Variants in IQCE observed in about 807,000 individuals in gnomAD.
IQCE encodes IQ domain-containing protein E.
In IQCE, 115 loss-of-function variants were observed where a neutral mutation model predicts 96.0. That is an observed-to-expected ratio of 1.20 (90% CI 1.03 to 1.40). The LOEUF (loss-of-function observed/expected upper bound fraction) is 1.40, where lower values mean the gene tolerates loss of function less well. Ranked by LOEUF, IQCE falls within the 40% of genes most tolerant of loss-of-function variation. IQCE has a pLI of 0.00. For synonymous variants in IQCE, 412 were observed against 371.2 expected, an observed-to-expected ratio of 1.11 and a Z score of -1.26; for missense variants, 1,041 against 909.1, an observed-to-expected ratio of 1.15 and a Z score of -1.87.
At chr7:2,569,576 G>A (rs771502068) in intron 3 of IQCE, among the ~76,000 whole-genome samples, 8 of 152,082 alleles carry the variant, frequency 5.3e-5, no homozygotes, top group Non-Finnish European at 1.0e-4. Flanking sequence ...AGGTGGCCCC[G>A]AGGCCCCTCT....
chr7:2,563,700 C>T (rs1049091063), intron 1 of IQCE, among the ~76,000 whole-genome samples: 1 of 151,842 alleles, frequency 6.6e-6, no homozygotes, highest in Non-Finnish European at 1.5e-5. Context: ...CGAGACCATC[C>T]TGGCTAACAC....
intron 3 of IQCE, among the ~76,000 whole-genome samples, chr7:2,569,244 G>A (rs111565691): frequency 3.3e-5 from 5 of 152,242 alleles, no homozygotes; most frequent in Middle Eastern, 3.4e-3. Flanking sequence ...CTTTCTCAGG[G>A]CTGAGGCTGC....
Position 2,578,466 on chromosome 7 carries a change from C to T in IQCE, c.580-10C>T, listed in dbSNP as rs747909069. 46 of 1,614,172 alleles carry T rather than the reference C, an allele frequency of 2.8e-5. No homozygotes were observed. The East Asian group carries it at 6.0e-4, about 21-fold the overall frequency. ...AAGGCCGTCTTCATGTCTCAATCTGCTTACCACAGGGCACGGATTTTGTTC... is the reference window on the plus strand; with the variant it reads ...AAGGCCGTCTTCATGTCTCAATCTGTTTACCACAGGGCACGGATTTTGTTC... On this transcript the variant is annotated splice_polypyrimidine_tract_variant and intron_variant, in intron 7 of 21. Transcript: ENST00000402050.
intron 13 of IQCE, 122 bp from the exon 14 acceptor site, chr7:2,589,785 A>C (rs1436983929): frequency 2.2e-6 from 2 of 923,222 alleles, no homozygotes; most frequent in East Asian, 4.9e-5. Flanking sequence ...GGTCCCCTCA[A>C]AGCTTTCTCA....
chr7:2,582,142 A>G, intron 8 of IQCE: 1 of 450,670 alleles, frequency 2.2e-6, no homozygotes, highest in South Asian at 1.6e-5. Context: ...TCAGGCCCCT[A>G]CGGCCGCGCT....
chr7:2,590,030 C>A lies in IQCE; in HGVS notation c.1168C>A (p.His390Asn), dbSNP rs576004552. The A allele has an allele frequency of 1.2e-4, 194 of 1,613,782 alleles. 1 individual carries two copies. The South Asian group carries it at 2.0e-3, about 17-fold the overall frequency. Reference sequence around the variant, plus strand: ...GCCACGAGGGGACCGCAACAAGGACCACGAGCGTCTCCGAGGGGCTGTGAG... The same window carrying A: ...GCCACGAGGGGACCGCAACAAGGACAACGAGCGTCTCCGAGGGGCTGTGAG... Reference protein sequence around the residue: ...RQPRGDRNKDHERLRGAVRDL... With the variant: ...RQPRGDRNKDNERLRGAVRDL... The change falls in exon 14 of 22, where the codon CAC becomes AAC. Residue 390 changes from histidine (H) to asparagine (N), a missense_variant. Physicochemically the swap from His to Asn is moderately conservative, Grantham distance 68 (BLOSUM62 1). Coordinates refer to ENST00000402050, the MANE Select transcript of IQCE (RefSeq NM_152558.5).
At chr7:2,592,955 G>A in intron 14 of IQCE, 67 bp from the exon 15 acceptor site, 1 of 1,510,212 alleles carries the variant, frequency 6.6e-7, no homozygotes, top group South Asian at 1.3e-5. Flanking sequence ...TTTCTGAAGT[G>A]CCTTCCTGCT....
chr7:2,568,726 G>A (rs1562622919), intron 2 of IQCE, among the ~76,000 whole-genome samples: 1 of 152,158 alleles, frequency 6.6e-6, no homozygotes. Flanking sequence ...TTCTGTAATT[G>A]GAACTTGTGC....
chr7:2,605,817 G>C lies in IQCE; in HGVS notation c.1744-59G>C, dbSNP rs542266313. The C allele has an allele frequency of 2.1e-3, 3,097 of 1,456,918 alleles. 14 individuals are homozygous for C. Among genetic ancestry groups the C allele is most frequent in the Middle Eastern group, 4.9e-3 (22 of 4,486 alleles). 90.2% of individuals were successfully genotyped at this position (1,456,918 alleles called of 1,614,324 possible). A position where few individuals can be genotyped will look rare whatever the true frequency, so the allele number is the denominator to read the frequency against. ...GCCCAGGGTGCCCTGGGGGTTGAGT[G>C]CTGGGAGCCAGCAGGGGGCTGCCAA... On this transcript the variant is annotated intron_variant, in intron 19 of 21. Coordinates refer to ENST00000402050, the MANE Select transcript of IQCE (RefSeq NM_152558.5).
rs759821884 is a variant in IQCE at position 2,601,440 on chromosome 7, G to GA, written c.1616dup (p.Ala540GlyfsTer5). ...TTTTTTCTTTCTTTTTTTTTTTCCA[G>GA]AAAAAAAAGGCTGTTCTGGATGAGG... is the stretch of plus-strand genomic sequence containing the variant. On this transcript the variant is annotated frameshift_variant and splice_region_variant. Transcript: ENST00000402050. LOFTEE classifies it high-confidence loss of function. 172 of 1,518,922 alleles carry GA rather than the reference G, an allele frequency of 1.1e-4. No homozygotes were observed. The highest frequency in any genetic ancestry group is 1.6e-4 in the East Asian group (7 of 44,144). 94.1% of individuals were successfully genotyped at this position (1,518,922 alleles called of 1,614,324 possible). A position where few individuals can be genotyped will look rare whatever the true frequency, so the allele number is the denominator to read the frequency against.
intron 14 of IQCE, among the ~76,000 whole-genome samples, chr7:2,592,299 A>G (rs907148061): frequency 1.3e-5 from 2 of 152,274 alleles, no homozygotes; most frequent in African/African-American, 2.4e-5. Flanking sequence ...CAATTAAACA[A>G]TCATTACAGA....
chr7:2,593,808 G>A, intron 15 of IQCE, among the ~76,000 whole-genome samples: 1 of 152,230 alleles, frequency 6.6e-6, no homozygotes, highest in East Asian at 1.9e-4. Context: ...TAGCTGCACA[G>A]CATTGTGAAG....
intron 4 of IQCE, 40 bp from the exon 5 acceptor site, chr7:2,572,152 C>A (rs768784689): frequency 6.3e-7 from 1 of 1,581,598 alleles, no homozygotes. Context: ...ATTGTGTGTG[C>A]TTGTATCTGT....
At chr7:2,589,036 A>G (rs1468699008) in intron 13 of IQCE, among the ~76,000 whole-genome samples, 1 of 152,118 alleles carries the variant, frequency 6.6e-6, no homozygotes, top group African/African-American at 2.4e-5. Flanking sequence ...ACCTAGAGGG[A>G]AAAACGTTTT....
intron 4 of IQCE, 147 bp from the exon 5 acceptor site, chr7:2,572,045 T>C: frequency 5.1e-6 from 4 of 787,578 alleles, no homozygotes; most frequent in Non-Finnish European, 8.4e-6. Flanking sequence ...TGGGAGCTGG[T>C]TGGTTAACCA....
intron 8 of IQCE, among the ~76,000 whole-genome samples, chr7:2,581,245 G>C (rs1055318948): frequency 1.3e-5 from 2 of 151,896 alleles, no homozygotes; most frequent in Non-Finnish European, 2.9e-5. Context: ...TGGCTCTGTC[G>C]CCCAGGCTGC....
At chr7:2,584,884 C>A (rs1583451500) in intron 11 of IQCE, among the ~76,000 whole-genome samples, 1 of 152,246 alleles carries the variant, frequency 6.6e-6, no homozygotes, top group South Asian at 2.1e-4. Context: ...TAACTACAGT[C>A]GATTCTCATT....
At chr7:2,609,126 C>G (rs1198091731) in intron 21 of IQCE, among the ~76,000 whole-genome samples, 2 of 152,042 alleles carry the variant, frequency 1.3e-5, no homozygotes, top group Non-Finnish European at 2.9e-5. Context: ...GCTCTGGTAC[C>G]CACCTCCATC....
rs1784881766 is a variant in IQCE, at chr7:2,607,002, G to A, written c.1866-122G>A. The A allele has an allele frequency of 3.4e-6, 3 of 884,814 alleles. No homozygotes were observed. In the African/African-American group the frequency reaches 5.2e-5, roughly 15 times the overall value. The allele number at this position is 884,814 out of a possible 1,614,324, so 54.8% of individuals were successfully genotyped here. A position where few individuals can be genotyped will look rare whatever the true frequency, so the allele number is the denominator to read the frequency against. On this transcript the variant is annotated intron_variant, in intron 20 of 21. Transcript: ENST00000402050. ...GCGCTGGTCGTGGGGCTCGGGACTG[G>A]CTCTGTGTTTGCTTTCATTGGAATA... is the stretch of plus-strand genomic sequence containing the variant.
Sources: allele counts gnomAD v4.1 joint callset (sites outside exome capture counted in the v4.1 genomes callset), GRCh38; gene constraint gnomAD v4.1.1; transcripts MANE v1.5; gene names NCBI Gene and HGNC (gene_info 2026-07-23, HGNC 2026-07-21).